KPNA4: variants seen among roughly 807,000 people sequenced by gnomAD.
KPNA4 encodes karyopherin subunit alpha 4, also known as importin subunit alpha-3.
Under a neutral mutation model 71.3 loss-of-function variants are expected in KPNA4, and 13 were observed. That is an observed-to-expected ratio of 0.18 (90% confidence interval 0.12 to 0.29). The LOEUF is 0.29. Ranked by LOEUF, KPNA4 falls within the 10% of genes least tolerant of loss-of-function variation. The pLI is 1.00. For synonymous variants in KPNA4, 189 were observed against 195.2 expected, an observed-to-expected ratio of 0.97 and a Z score of 0.26; for missense variants, 334 against 603.2, an observed-to-expected ratio of 0.55 and a Z score of 4.67.
chr3:160,545,620 T>C (rs758984402), intron 1 of KPNA4, among the ~76,000 whole-genome samples: 16 of 152,124 alleles, frequency 1.1e-4, no homozygotes, highest in Non-Finnish European at 1.8e-4. Context: ...TGCACAGATT[T>C]TGGCATTTAC....
chr3:160,543,560 T>C (rs1721849083), intron 1 of KPNA4, among the ~76,000 whole-genome samples: 2 of 152,158 alleles, frequency 1.3e-5, no homozygotes, highest in Non-Finnish European at 2.9e-5. Context: ...CTCGAACTCC[T>C]GACCTCACGT....
chr3:160,547,539 G>C (rs1721947794), intron 1 of KPNA4, among the ~76,000 whole-genome samples: 1 of 151,686 alleles, frequency 6.6e-6, no homozygotes, highest in Non-Finnish European at 1.5e-5. Context: ...TACCAGAATG[G>C]TACATTTGTT....
chr3:160,530,134 C>CAA (rs746257397), intron 7 of KPNA4, among the ~76,000 whole-genome samples: 1,417 of 34,350 alleles, frequency 0.041, 13 homozygotes, highest in Non-Finnish European at 0.055. Context: ...GACTCCATCT[C>CAA]AAAAAAAAAA....
Position 160,495,611 on chromosome 3 carries a change from C to T in KPNA4, c.*6493G>A, listed in dbSNP as rs1720742080. On this transcript the variant is annotated 3_prime_UTR_variant, in exon 17 of 17. Coordinates refer to ENST00000334256, the MANE Select transcript of KPNA4 (RefSeq NM_002268.5). ...TAAAAGGTTAGGATGACTAGGACTG[C>T]CACTATGCTAAAGACCACTCAACTG... The T allele has an allele frequency of 1.3e-5, 2 of 151,732 alleles. No individual in the cohort carries two copies. The highest frequency in any genetic ancestry group is 4.2e-4 in the South Asian group (2 of 4,800). The allele number at this position is 151,732 out of a possible 1,614,324, so 9.4% of individuals were successfully genotyped here. A position where few individuals can be genotyped will look rare whatever the true frequency, so the allele number is the denominator to read the frequency against.
chr3:160,531,935 G>A (rs1174703552), intron 5 of KPNA4, among the ~76,000 whole-genome samples: 1 of 152,168 alleles, frequency 6.6e-6, no homozygotes, highest in Non-Finnish European at 1.5e-5. Flanking sequence ...TGGGATTACA[G>A]GCGTGCGCCA....
chr3:160,525,243 C>T (rs528499295), intron 10 of KPNA4, among the ~76,000 whole-genome samples: 1 of 152,250 alleles, frequency 6.6e-6, no homozygotes, highest in East Asian at 1.9e-4. Flanking sequence ...AATGAAGCCA[C>T]TGCCAGTCAC....
intron 1 of KPNA4, among the ~76,000 whole-genome samples, chr3:160,562,776 C>G (rs1722271744): frequency 6.6e-6 from 1 of 152,136 alleles, no homozygotes; most frequent in Non-Finnish European, 1.5e-5. Flanking sequence ...CCATAAGGCA[C>G]TATGAATTTC....
chr3:160,515,683 C>A, intron 11 of KPNA4, 103 bp from the exon 12 acceptor site: 1 of 1,288,210 alleles, frequency 7.8e-7, no homozygotes, highest in South Asian at 1.4e-5. Context: ...GGTGCGATCT[C>A]AGCTCACTGT....
At position 160,565,561 on chromosome 3, in the gene KPNA4, A is replaced by C. The variant is rs1722337946; in HGVS notation, c.-279T>G. On this transcript the variant is annotated 5_prime_UTR_variant, in exon 1 of 17. Coordinates refer to ENST00000334256, the MANE Select transcript of KPNA4 (RefSeq NM_002268.5). ...GTGCTGCCGGCTGAGAGGGGGAGGC[A>C]GCCTCGATCTGAGGGCCCCGGCGCT... 1 of 516,982 alleles carries C rather than the reference A, an allele frequency of 1.9e-6. No individual in the cohort carries two copies. Among genetic ancestry groups the C allele is most frequent in the Non-Finnish European group, 3.4e-6 (1 of 295,480 alleles). 32.0% of individuals were successfully genotyped at this position (516,982 alleles called of 1,614,324 possible).
At chr3:160,517,514 T>C (rs1291874198) in intron 11 of KPNA4, among the ~76,000 whole-genome samples, 1 of 152,110 alleles carries the variant, frequency 6.6e-6, no homozygotes, top group African/African-American at 2.4e-5. Flanking sequence ...TGTAACCTTA[T>C]GTTTAACTTT....
Position 160,498,676 on chromosome 3 carries a change from T to C in KPNA4, c.*3428A>G, listed in dbSNP as rs1030529878. The C allele has an allele frequency of 1.3e-5, 2 of 152,168 alleles. No individual in the cohort carries two copies. Among genetic ancestry groups the C allele is most frequent in the African/African-American group, 4.8e-5 (2 of 41,414 alleles). 9.4% of individuals were successfully genotyped at this position (152,168 alleles called of 1,614,324 possible). ...GCTGGCCTTGAAGAAGTTCCCATGA[T>C]TTCTTCAGTTGCTAGGCAATGGATT... On this transcript the variant is annotated 3_prime_UTR_variant, in exon 17 of 17. Coordinates refer to ENST00000334256, the MANE Select transcript of KPNA4 (RefSeq NM_002268.5).
At chr3:160,514,804 T>C (rs1241863535) in intron 12 of KPNA4, 1 of 395,578 alleles carries the variant, frequency 2.5e-6, no homozygotes, top group Middle Eastern at 7.4e-4. Context: ...CAGTTGGTGC[T>C]ACTTTTGACA....
At chr3:160,523,695 A>G (rs1024225899) in intron 10 of KPNA4, among the ~76,000 whole-genome samples, 2 of 152,048 alleles carry the variant, frequency 1.3e-5, no homozygotes, top group African/African-American at 4.8e-5. Flanking sequence ...TAAAAAATGC[A>G]AAAAAATTAG....
At chr3:160,515,216 A>G in intron 12 of KPNA4, 1 of 589,300 alleles carries the variant, frequency 1.7e-6, no homozygotes, top group Non-Finnish European at 3.2e-6. Context: ...ACACCCAATT[A>G]TCTCTATTTC....
At chr3:160,560,057 T>G (rs986477968) in intron 1 of KPNA4, among the ~76,000 whole-genome samples, 1 of 151,998 alleles carries the variant, frequency 6.6e-6, no homozygotes, top group African/African-American at 2.4e-5. Context: ...CCAAAAACCC[T>G]CTGAGAAAAA....
intron 1 of KPNA4, among the ~76,000 whole-genome samples, chr3:160,549,855 A>T (rs1577061815): frequency 6.6e-6 from 1 of 152,240 alleles, no homozygotes; most frequent in East Asian, 1.9e-4. Context: ...AGTATCATGG[A>T]CATTTTAACA....
intron 11 of KPNA4, among the ~76,000 whole-genome samples, chr3:160,516,275 A>G (rs1239537273): frequency 6.6e-6 from 1 of 152,160 alleles, no homozygotes; most frequent in Non-Finnish European, 1.5e-5. Context: ...TACAGGCATG[A>G]GCCACTGCAC....
chr3:160,550,916 C>G (rs1218716795), intron 1 of KPNA4, among the ~76,000 whole-genome samples: 2 of 152,148 alleles, frequency 1.3e-5, no homozygotes, highest in Non-Finnish European at 2.9e-5. Flanking sequence ...CACCAGTATT[C>G]TGTTGAGGAT....
intron 12 of KPNA4, chr3:160,515,213 A>G (rs755700800): frequency 5.1e-6 from 3 of 585,346 alleles, no homozygotes; most frequent in East Asian, 4.1e-5. Context: ...TCAACACCCA[A>G]TTATCTCTAT....
Sources: gnomAD v4.1 joint callset for allele counts (sites outside exome capture counted in the v4.1 genomes callset) on GRCh38, gnomAD v4.1.1 for gene constraint, MANE v1.5 for transcripts, NCBI Gene and HGNC (gene_info 2026-07-23, HGNC 2026-07-21) for gene names.